ABCB1: variants seen among roughly 807,000 people sequenced by gnomAD.
ABCB1 encodes the protein ATP-dependent translocase ABCB1.
Under a neutral mutation model 142.0 loss-of-function variants are expected in ABCB1, and 69 were observed. That is an observed-to-expected ratio of 0.49 (90% CI 0.40 to 0.59). The LOEUF (loss-of-function observed/expected upper bound fraction) is 0.59, where lower values mean the gene tolerates loss of function less well. Among genes scored for constraint, ABCB1 ranks in the 20% least tolerant of loss-of-function variants. ABCB1 has a pLI of 0.00. For missense variants in ABCB1, 1,326 were observed against 1,554.7 expected (o/e 0.85, Z 2.47); for synonymous variants, 532 against 539.2 (o/e 0.99, Z 0.18).
intron 3 of ABCB1, among the ~76,000 whole-genome samples, chr7:87,588,036 G>A: frequency 6.6e-6 from 1 of 151,944 alleles, no homozygotes; most frequent in East Asian, 1.9e-4. Flanking sequence ...TCACTGAGCT[G>A]GGAAAATTGG....
intron 1 of ABCB1, among the ~76,000 whole-genome samples, chr7:87,654,838 G>A (rs1335551731): frequency 6.6e-6 from 1 of 151,952 alleles, no homozygotes; most frequent in Non-Finnish European, 1.5e-5. Flanking sequence ...AAATATATGA[G>A]GAACTCAATA....
At chr7:87,574,500 A>G (rs537409507) in intron 4 of ABCB1, among the ~76,000 whole-genome samples, 14 of 152,256 alleles carry the variant, frequency 9.2e-5, no homozygotes, top group African/African-American at 3.4e-4. Flanking sequence ...CATTTGCTAC[A>G]TCCCTTTCTA....
intron 8 of ABCB1, among the ~76,000 whole-genome samples, chr7:87,556,128 C>T (rs1817297808): frequency 6.6e-6 from 1 of 152,012 alleles, no homozygotes; most frequent in Non-Finnish European, 1.5e-5. Context: ...GGCTTTAGTA[C>T]AGAAATGGTC....
At chr7:87,647,932 C>T (rs1823180742) in intron 1 of ABCB1, among the ~76,000 whole-genome samples, 1 of 151,988 alleles carries the variant, frequency 6.6e-6, no homozygotes, top group Admixed American at 6.5e-5. Flanking sequence ...TGCCTGTAAT[C>T]CCAACACTTT....
chr7:87,677,623 TA>T (rs1312081684), intron 1 of ABCB1, among the ~76,000 whole-genome samples: 1 of 152,054 alleles, frequency 6.6e-6, no homozygotes. Context: ...ATTGCTATGA[TA>T]GTAGATCTCA....
chr7:87,516,592 C>T lies in ABCB1; in HGVS notation c.3001G>A (p.Ala1001Thr), dbSNP rs1213524837. 1.9e-6 allele frequency: 3 copies of T among 1,614,178 alleles called. No homozygotes were observed. The Admixed American group carries it at 5.0e-5, about 27-fold the overall frequency. ...VSSFAPDYAK[A>T]KISAAHIIMI... ...ATGATGTGGGCTGCTGATATTTTGG[C>T]TTTGGCATAGTCAGGAGCAAATGAA... is the stretch of plus-strand genomic sequence containing the variant. Residue 1001 changes from alanine to threonine, a missense_variant, in exon 24 of 28, where the codon GCC becomes ACC. By Grantham distance (58) the Ala-to-Thr change is moderately conservative (BLOSUM62 0). Coordinates refer to ENST00000622132, the MANE Select transcript of ABCB1 (RefSeq NM_001348946.2).
intron 1 of ABCB1, among the ~76,000 whole-genome samples, chr7:87,702,676 C>G (rs1442579483): frequency 6.6e-6 from 1 of 152,032 alleles, no homozygotes; most frequent in East Asian, 1.9e-4. Flanking sequence ...CCTTGGGGTC[C>G]TCAGTAATTT....
At chr7:87,521,447 T>A in intron 21 of ABCB1, 1 of 703,102 alleles carries the variant, frequency 1.4e-6, no homozygotes, top group Non-Finnish European at 2.6e-6. Flanking sequence ...AAAGTCTCTC[T>A]TTCCCCTGCC....
chr7:87,595,040 A>G (rs1819140051), intron 3 of ABCB1, among the ~76,000 whole-genome samples: 1 of 152,140 alleles, frequency 6.6e-6, no homozygotes, highest in Non-Finnish European at 1.5e-5. Flanking sequence ...ATCCAGGTAA[A>G]TAAGAGGTCA....
chr7:87,668,554 T>C (rs1176662713), intron 1 of ABCB1, among the ~76,000 whole-genome samples: 2 of 152,142 alleles, frequency 1.3e-5, no homozygotes, highest in Non-Finnish European at 2.9e-5. Context: ...CCTAATTCTT[T>C]CAGTTGTGAA....
intron 1 of ABCB1, among the ~76,000 whole-genome samples, chr7:87,671,987 G>C (rs528204990): frequency 6.6e-6 from 1 of 152,176 alleles, no homozygotes; most frequent in Admixed American, 6.5e-5. Context: ...ACCCACTTAA[G>C]CAGTTTGGCC....
chr7:87,708,342 A>C (rs796697971), intron 1 of ABCB1, among the ~76,000 whole-genome samples: 1 of 152,128 alleles, frequency 6.6e-6, no homozygotes, highest in Non-Finnish European at 1.5e-5. Context: ...TAAAAATCCT[A>C]AAAGAGGATA....
chr7:87,608,226 A>T lies in ABCB1; in HGVS notation c.-330-7148T>A, dbSNP rs147272589. On this transcript the variant is annotated intron_variant, in intron 1 of 28. Coordinates refer to the ABCB1 transcript ENST00000265724. ...AGTTCTGGTCATTTGACATTGGAAA[A>T]TTTATTTCTTTTGCTGCAACTAAAA... Among the ~76,000 whole-genome samples, 119 of 152,300 alleles carry T rather than the reference A, an allele frequency of 7.8e-4. 1 individual carries two copies. The highest frequency in any genetic ancestry group is 2.7e-3 in the African/African-American group (112 of 41,568).
intron 23 of ABCB1, among the ~76,000 whole-genome samples, chr7:87,518,014 C>A (rs1301169918): frequency 6.6e-6 from 1 of 152,206 alleles, no homozygotes; most frequent in African/African-American, 2.4e-5. Context: ...TTTGATAACT[C>A]CTTTCACTGC....
intron 1 of ABCB1, among the ~76,000 whole-genome samples, chr7:87,653,925 G>A (rs972876304): frequency 1.4e-4 from 22 of 151,874 alleles, no homozygotes; most frequent in Non-Finnish European, 2.8e-4. Context: ...TAGACTTTTG[G>A]TTCACATTGA....
At chr7:87,542,568 A>T (rs1816588352) in intron 17 of ABCB1, among the ~76,000 whole-genome samples, 1 of 152,220 alleles carries the variant, frequency 6.6e-6, no homozygotes, top group South Asian at 2.1e-4. Flanking sequence ...ACTTACCTCC[A>T]GACTTATTGT....
chr7:87,523,079 G>T (rs187487063), intron 21 of ABCB1, among the ~76,000 whole-genome samples: 56 of 152,126 alleles, frequency 3.7e-4, no homozygotes, highest in Admixed American at 9.2e-4. Context: ...ATTTCTTAAG[G>T]TGAAATTAAT....
chr7:87,646,932 T>TA (rs1823065631), intron 1 of ABCB1, among the ~76,000 whole-genome samples: 1 of 152,194 alleles, frequency 6.6e-6, no homozygotes, highest in African/African-American at 2.4e-5. Context: ...TTACTTCCTA[T>TA]ATGTTATTTC....
At chr7:87,519,817 G>A (rs555462110) in intron 22 of ABCB1, among the ~76,000 whole-genome samples, 10 of 152,302 alleles carry the variant, frequency 6.6e-5, no homozygotes, top group East Asian at 1.9e-4. Context: ...AGTACTCTAC[G>A]TAAATATTCA....
Sources: allele counts gnomAD v4.1 joint callset (sites outside exome capture counted in the v4.1 genomes callset), GRCh38; gene constraint gnomAD v4.1.1; transcripts MANE v1.5; gene names NCBI Gene and HGNC (gene_info 2026-07-23, HGNC 2026-07-21).